MTX2: variants seen among roughly 807,000 people sequenced by gnomAD.
The protein encoded by MTX2 is metaxin-2.
In MTX2, 35 loss-of-function variants were observed where a neutral mutation model predicts 42.3. The observed-to-expected ratio is 0.83, with a 90% CI of 0.63 to 1.10. MTX2 has a LOEUF of 1.10. Among genes scored for constraint, MTX2 ranks in the 50% least tolerant of loss-of-function variants. The pLI, the probability that MTX2 is intolerant of heterozygous loss-of-function variation, is 0.00. For missense variants in MTX2, 307 were observed against 304.1 expected (o/e 1.01, Z -0.07); for synonymous variants, 119 against 100.9 (o/e 1.18, Z -1.08).
At chr2:176,276,433 G>C (rs532310229) in intron 1 of MTX2, among the ~76,000 whole-genome samples, 1 of 152,130 alleles carries the variant, frequency 6.6e-6, no homozygotes, top group Non-Finnish European at 1.5e-5. Flanking sequence ...ATTTGGTCTT[G>C]TTAGGTATTT....
chr2:176,293,052 C>T (rs568886795), intron 1 of MTX2, among the ~76,000 whole-genome samples: 17 of 152,242 alleles, frequency 1.1e-4, no homozygotes, highest in Middle Eastern at 3.4e-3. Context: ...TCTCTAAATA[C>T]GAGTTTAATT....
At chr2:176,334,119 T>C (rs972344722) in intron 9 of MTX2, among the ~76,000 whole-genome samples, 1 of 151,778 alleles carries the variant, frequency 6.6e-6, no homozygotes, top group Non-Finnish European at 1.5e-5. Context: ...TATAATTCAG[T>C]ACCTCTGGAG....
intron 3 of MTX2, among the ~76,000 whole-genome samples, chr2:176,313,388 CTTTTTTT>C (rs1207416607): frequency 1.2e-4 from 12 of 103,492 alleles, no homozygotes; most frequent in African/African-American, 3.5e-4. Context: ...TACACTGATT[CTTTTTTT>C]TTTTTTTTTT....
At chr2:176,270,942 A>G (rs1299887026) in intron 1 of MTX2, among the ~76,000 whole-genome samples, 1 of 152,184 alleles carries the variant, frequency 6.6e-6, no homozygotes, top group Non-Finnish European at 1.5e-5. Flanking sequence ...TTATATAGTT[A>G]GATCAGCGAT....
At chr2:176,298,034 A>G (rs992037818) in intron 3 of MTX2, 139 bp downstream of exon 3, 27 of 448,840 alleles carry the variant, frequency 6.0e-5, no homozygotes, top group Non-Finnish European at 9.8e-5. Flanking sequence ...ACCATTATCT[A>G]TATAACATTG....
At position 176,329,319 on chromosome 2, in the gene MTX2, G is replaced by C. The variant is rs141452692; in HGVS notation, c.436G>C (p.Gly146Arg). The part of the protein sequence containing the change: ...TVGEITHARY[G>R]SPYPWPLNHI... ...ACTTTAGATCACTCATGCTAGGTAT[G>C]GATCTCCTTACCCTTGGCCTCTGAA... The change falls in exon 8 of 10, where the codon GGA becomes CGA. Residue 146 changes from glycine to arginine, a missense_variant. Transcript: ENST00000249442. The C allele has an allele frequency of 6.2e-7, 1 of 1,606,210 alleles. No homozygotes were observed. The highest frequency in any genetic ancestry group is 8.5e-7 in the Non-Finnish European group (1 of 1,174,942).
At position 176,335,395 on chromosome 2, in the gene MTX2, G is replaced by A. The variant is rs568015355; in HGVS notation, c.621-2098G>A. 4.6e-5 allele frequency among the ~76,000 whole-genome samples: 7 copies of A among 152,172 alleles called. No homozygotes were observed. In the East Asian group the frequency reaches 1.2e-3, roughly 25 times the overall value. The stretch of plus-strand genomic sequence containing the variant: ...CTGTGTGCTTAGTGTAAGGAGTTTG[G>A]CATTTTAGTATAAGTAGAACAGAAA... On this transcript the variant is annotated intron_variant, in intron 9 of 9. Coordinates refer to ENST00000249442, the MANE Select transcript of MTX2 (RefSeq NM_006554.5).
chr2:176,270,491 G>A (rs1354231984), intron 1 of MTX2: 29 of 1,128,064 alleles, frequency 2.6e-5, no homozygotes, highest in Admixed American at 4.2e-5. Flanking sequence ...AGAAAGTGAG[G>A]AGACTAAACA....
At chr2:176,315,579 G>A (rs952887969) in intron 3 of MTX2, among the ~76,000 whole-genome samples, 1 of 152,068 alleles carries the variant, frequency 6.6e-6, no homozygotes, top group Non-Finnish European at 1.5e-5. Flanking sequence ...GAAGGGTTCG[G>A]TCAGATTACA....
At chr2:176,310,310 A>G (rs545129637) in intron 3 of MTX2, among the ~76,000 whole-genome samples, 1 of 152,132 alleles carries the variant, frequency 6.6e-6, no homozygotes, top group Admixed American at 6.5e-5. Flanking sequence ...GGGTAACTCG[A>G]CCTTTCTCTC....
intron 1 of MTX2, among the ~76,000 whole-genome samples, chr2:176,284,248 A>G (rs571864032): frequency 6.6e-6 from 1 of 152,182 alleles, no homozygotes; most frequent in African/African-American, 2.4e-5. Context: ...TCCAGCTATG[A>G]TGGATTATTT....
intron 1 of MTX2, among the ~76,000 whole-genome samples, chr2:176,287,068 A>G (rs1292794380): frequency 6.6e-6 from 1 of 152,166 alleles, no homozygotes; most frequent in African/African-American, 2.4e-5. Flanking sequence ...TATGTATACC[A>G]GATAATATTG....
At chr2:176,323,880 G>A (rs2105440345) in intron 4 of MTX2, among the ~76,000 whole-genome samples, 1 of 151,684 alleles carries the variant, frequency 6.6e-6, no homozygotes, top group Non-Finnish European at 1.5e-5. Flanking sequence ...AAGAGAGATT[G>A]TAGAAAAATT....
At chr2:176,312,925 T>C (rs913606903) in intron 3 of MTX2, among the ~76,000 whole-genome samples, 4 of 151,714 alleles carry the variant, frequency 2.6e-5, no homozygotes, top group African/African-American at 9.7e-5. Context: ...CCTTTATTCT[T>C]TTAACATCTT....
At chr2:176,270,487 TGAG>T in intron 1 of MTX2, 1 of 1,158,050 alleles carries the variant, frequency 8.6e-7, no homozygotes. Context: ...GTTGAGAAAG[TGAG>T]GAGACTAAAC....
intron 1 of MTX2, 112 bp from the exon 2 acceptor site, chr2:176,296,748 C>G (rs1235269840): frequency 1.9e-6 from 2 of 1,076,340 alleles, no homozygotes; most frequent in African/African-American, 3.1e-5. Flanking sequence ...TATAAGTCAA[C>G]CTTAGCAAAT....
chr2:176,305,714 G>A (rs1684126119), intron 3 of MTX2, among the ~76,000 whole-genome samples: 1 of 152,040 alleles, frequency 6.6e-6, no homozygotes, highest in Admixed American at 6.6e-5. Flanking sequence ...ATAGCTGTCA[G>A]ATGTTGATGT....
intron 1 of MTX2, among the ~76,000 whole-genome samples, chr2:176,272,127 A>C (rs980672709): frequency 3.3e-5 from 5 of 152,212 alleles, no homozygotes; most frequent in African/African-American, 1.2e-4. Context: ...CATTATGCTA[A>C]ATGAAATAAG....
At chr2:176,304,069 C>T (rs541495974) in intron 3 of MTX2, among the ~76,000 whole-genome samples, 8 of 151,844 alleles carry the variant, frequency 5.3e-5, no homozygotes, top group Non-Finnish European at 1.0e-4. Context: ...ATTAGATATA[C>T]AATATCAACA....
Sources: gnomAD v4.1 joint callset for allele counts (sites outside exome capture counted in the v4.1 genomes callset) on GRCh38, gnomAD v4.1.1 for gene constraint, MANE v1.5 for transcripts, NCBI Gene and HGNC (gene_info 2026-07-23, HGNC 2026-07-21) for gene names.